The following DSCAML1 variants were observed in gnomAD, a reference collection of about 807,000 sequenced individuals.
The protein encoded by DSCAML1 is DS cell adhesion molecule like 1.
In DSCAML1, 38 loss-of-function variants were observed where a neutral mutation model predicts 200.5. That is an observed-to-expected ratio of 0.19 (90% CI 0.15 to 0.25). The LOEUF (loss-of-function observed/expected upper bound fraction) is 0.25. DSCAML1 is among the 10% of genes least tolerant of loss of function. The pLI is 1.00. For synonymous variants in DSCAML1, 1,215 were observed against 1,165.0 expected (o/e 1.04, Z -0.87); for missense variants, 2,223 against 2,858.8 (o/e 0.78, Z 5.07).
chr11:117,759,053 G>A (rs762577144), intron 3 of DSCAML1, among the ~76,000 whole-genome samples: 8 of 152,138 alleles, frequency 5.3e-5, no homozygotes, highest in Admixed American at 2.0e-4. Flanking sequence ...AAACTCTGGC[G>A]ATACTTCTAG....
intron 3 of DSCAML1, among the ~76,000 whole-genome samples, chr11:117,663,355 G>T (rs2052902354): frequency 6.6e-6 from 1 of 151,966 alleles, no homozygotes. Context: ...TCTACCTTTG[G>T]TTTCCCAGCC....
chr11:117,520,773 TG>T (rs1327357335), intron 6 of DSCAML1, among the ~76,000 whole-genome samples: 1 of 146,724 alleles, frequency 6.8e-6, no homozygotes, highest in African/African-American at 2.4e-5. Flanking sequence ...AGAATAACCT[TG>T]GACATTAGCA....
At chr11:117,583,734 G>A (rs760878276) in intron 3 of DSCAML1, among the ~76,000 whole-genome samples, 7 of 152,196 alleles carry the variant, frequency 4.6e-5, no homozygotes, top group Admixed American at 3.3e-4. Context: ...TGTGACCTGG[G>A]TCATTGTCCT....
intron 3 of DSCAML1, among the ~76,000 whole-genome samples, chr11:117,554,444 G>A (rs976996321): frequency 6.6e-6 from 1 of 151,978 alleles, no homozygotes; most frequent in East Asian, 1.9e-4. Flanking sequence ...GCGGTGGTGC[G>A]ATCTCGGCTC....
intron 26 of DSCAML1, 65 bp from the exon 27 acceptor site, chr11:117,435,864 A>C (rs2137071243): frequency 1.2e-3 from 1,868 of 1,508,750 alleles, no homozygotes; most frequent in Non-Finnish European, 1.6e-3. Context: ...AGAACATCTC[A>C]TGGGTGGGGC....
chr11:117,541,127 C>T (rs919435611), intron 3 of DSCAML1, among the ~76,000 whole-genome samples: 4 of 152,256 alleles, frequency 2.6e-5, no homozygotes, highest in African/African-American at 9.6e-5. Context: ...CACACTTCCA[C>T]CCCAAGGCCT....
intron 3 of DSCAML1, 85 bp from the exon 4 acceptor site, chr11:117,532,607 T>C (rs1449870178): frequency 7.5e-7 from 1 of 1,336,822 alleles, no homozygotes; most frequent in Admixed American, 2.2e-5. Flanking sequence ...CAGATGAGGA[T>C]TTTCACACAC....
At chr11:117,773,194 C>G (rs2134040035) in intron 3 of DSCAML1, among the ~76,000 whole-genome samples, 1 of 152,286 alleles carries the variant, frequency 6.6e-6, no homozygotes, top group Non-Finnish European at 1.5e-5. Flanking sequence ...AGAGCCAGCT[C>G]CCATCCACAG....
intron 3 of DSCAML1, among the ~76,000 whole-genome samples, chr11:117,752,089 G>T (rs978786318): frequency 6.6e-6 from 1 of 152,168 alleles, no homozygotes; most frequent in Middle Eastern, 3.2e-3. Flanking sequence ...ACTGCAGAAG[G>T]CAGGGTCTCT....
intron 3 of DSCAML1, among the ~76,000 whole-genome samples, chr11:117,678,374 A>G (rs529243459): frequency 3.3e-5 from 5 of 152,372 alleles, no homozygotes; most frequent in Middle Eastern, 3.4e-3. Context: ...CTGAGTGTCT[A>G]CTATGTGCAG....
intron 3 of DSCAML1, among the ~76,000 whole-genome samples, chr11:117,572,634 A>C (rs2050865587): frequency 6.6e-6 from 1 of 152,184 alleles, no homozygotes; most frequent in Non-Finnish European, 1.5e-5. Context: ...CAGGGGAATT[A>C]TTAGGGAGTC....
intron 18 of DSCAML1, among the ~76,000 whole-genome samples, chr11:117,459,376 A>G (rs1379797391): frequency 2.6e-5 from 4 of 152,198 alleles, no homozygotes; most frequent in African/African-American, 9.7e-5. Flanking sequence ...CTGGGCAGTT[A>G]TCAACCTGGG....
intron 3 of DSCAML1, among the ~76,000 whole-genome samples, chr11:117,622,664 C>T (rs1436334166): frequency 2.0e-5 from 3 of 152,122 alleles, no homozygotes; most frequent in African/African-American, 7.2e-5. Flanking sequence ...TTCTGAAGGA[C>T]CAGAGCCCTG....
At chr11:117,787,525 T>C (rs911746603) in intron 1 of DSCAML1, among the ~76,000 whole-genome samples, 2 of 152,174 alleles carry the variant, frequency 1.3e-5, no homozygotes, top group African/African-American at 4.8e-5. Context: ...ATTCACCAAG[T>C]CTGTCATAGG....
Position 117,469,983 on chromosome 11 carries a change from G to T in DSCAML1, c.2954-3C>A. ...ATCCATGGGGGGCCCATCGGGAGCT[G>T]AGCAGGGTAGCGGGGAGGAGAAACA... On this transcript the variant is annotated splice_region_variant and splice_polypyrimidine_tract_variant and intron_variant, in intron 15 of 32. Transcript: ENST00000651296. This position sits in a 1 kb window ranked among gnomAD's most constrained non-coding sequence, Gnocchi z 4.1. 1 of 1,601,426 alleles carries T rather than the reference G, an allele frequency of 6.2e-7. No homozygotes were observed. The highest frequency in any genetic ancestry group is 8.5e-7 in the Non-Finnish European group (1 of 1,171,914).
intron 24 of DSCAML1, 38 bp from the exon 25 acceptor site, chr11:117,438,121 AG>A: frequency 6.4e-7 from 1 of 1,561,808 alleles, no homozygotes; most frequent in Non-Finnish European, 8.7e-7. Context: ...GGGGCAGGGC[AG>A]GGCAAGGCAG....
chr11:117,521,127 C>A lies in DSCAML1; in HGVS notation c.1213+3G>T. On this transcript the variant is annotated splice_donor_region_variant and intron_variant, in intron 6 of 32. Transcript: ENST00000651296. ...CCCCCTGTGTCCTGGCGCCCCAGCT[C>A]ACCCTCAAGTGCAATGATGGCAAAG... 2 of 1,608,546 alleles carry A rather than the reference C, an allele frequency of 1.2e-6. No homozygotes were observed. Among genetic ancestry groups the A allele is most frequent in the Non-Finnish European group, 1.7e-6 (2 of 1,175,448 alleles).
intron 3 of DSCAML1, among the ~76,000 whole-genome samples, chr11:117,672,141 C>T (rs1322540109): frequency 6.9e-6 from 1 of 144,036 alleles, no homozygotes. Flanking sequence ...CCTTGGGCCT[C>T]ATCCAGGCTG....
At chr11:117,694,595 T>A (rs2053556638) in intron 3 of DSCAML1, among the ~76,000 whole-genome samples, 1 of 152,048 alleles carries the variant, frequency 6.6e-6, no homozygotes, top group Non-Finnish European at 1.5e-5. Context: ...CTCTGCCCCA[T>A]CTAGCCAAGG....
Sources: gnomAD v4.1 joint callset for allele counts (sites outside exome capture counted in the v4.1 genomes callset) on GRCh38, gnomAD v4.1.1 for gene constraint, Gnocchi (gnomAD v3.1) non-coding constraint, MANE v1.5 for transcripts, NCBI Gene and HGNC (gene_info 2026-07-23, HGNC 2026-07-21) for gene names.